OPA3: variants seen among roughly 807,000 people sequenced by gnomAD.
OPA3 encodes optic atrophy 3 protein.
In OPA3, 6 loss-of-function variants were observed where a neutral mutation model predicts 4.0. The observed-to-expected ratio is 1.51, with a 90% confidence interval of 0.83 to 2.99. The LOEUF is 2.99. Ranked by LOEUF, OPA3 falls within the 30% of genes most tolerant of loss-of-function variation. OPA3 has a pLI of 0.00. For missense variants in OPA3, 235 were observed against 256.2 expected (o/e 0.92, Z 0.56); for synonymous variants, 105 against 117.1 (o/e 0.90, Z 0.67).
chr19:45,529,436 G>C (rs755659368), exon 2 of OPA3: 1 of 1,614,168 alleles, frequency 6.2e-7, no homozygotes, highest in Non-Finnish European at 8.5e-7. Flanking sequence ...ATTTTGGTCC[G>C]CATCTCCAGC....
chr19:45,581,340 G>A (rs1050468536), intron 1 of OPA3, among the ~76,000 whole-genome samples: 1 of 152,112 alleles, frequency 6.6e-6, no homozygotes, highest in Non-Finnish European at 1.5e-5. Flanking sequence ...TAATCATGTG[G>A]GCTTTGTGTG....
intron 1 of OPA3, chr19:45,584,396 G>C: frequency 1.0e-6 from 1 of 985,312 alleles, no homozygotes; most frequent in East Asian, 1.1e-4. Flanking sequence ...TTATCGGCTG[G>C]CATTTCCTAC....
downstream of OPA3, among the ~76,000 whole-genome samples, chr19:45,544,489 G>A (rs1175276627): frequency 6.6e-6 from 1 of 151,148 alleles, no homozygotes; most frequent in South Asian, 2.1e-4. Flanking sequence ...ATGAAACCCC[G>A]TCTCTACTAA....
intron 1 of OPA3, among the ~76,000 whole-genome samples, chr19:45,582,084 A>G (rs111547601): frequency 0.05 from 7,532 of 151,974 alleles, 608 homozygotes; most frequent in African/African-American, 0.17. Context: ...GACGTGAGCC[A>G]CCGCGCCCCA....
intron 1 of OPA3, among the ~76,000 whole-genome samples, chr19:45,560,057 C>A (rs957830067): frequency 3.9e-5 from 6 of 152,136 alleles, no homozygotes; most frequent in African/African-American, 1.4e-4. Flanking sequence ...ACCTAATATC[C>A]TCTTCCTGAC....
chr19:45,540,061 G>C (rs1302978820), intron 1 of OPA3, among the ~76,000 whole-genome samples: 1 of 152,082 alleles, frequency 6.6e-6, no homozygotes, highest in Non-Finnish European at 1.5e-5. Context: ...GCTCATGCCT[G>C]TAATCCCAGC....
At chr19:45,575,961 T>C (rs998611081) in intron 1 of OPA3, among the ~76,000 whole-genome samples, 3 of 152,194 alleles carry the variant, frequency 2.0e-5, no homozygotes, top group Admixed American at 6.5e-5. Context: ...GGGCCAGTTG[T>C]GGTGGCTCAC....
chr19:45,580,293 C>CTTTTT (rs539421587), intron 1 of OPA3, among the ~76,000 whole-genome samples: 2 of 121,788 alleles, frequency 1.6e-5, no homozygotes, highest in Non-Finnish European at 3.4e-5. Context: ...TGCACCCGGC[C>CTTTTT]TTTTTTTTTT....
intron 1 of OPA3, among the ~76,000 whole-genome samples, chr19:45,572,781 C>CTATATATATAGATATATATATCATACTA (rs60247518): frequency 0.015 from 1,333 of 89,982 alleles, 65 homozygotes; most frequent in African/African-American, 0.039. Flanking sequence ...ATATATCATA[C>CTATATATATAGATATATATATCATACTA]TATATATAGA....
intron 1 of OPA3, among the ~76,000 whole-genome samples, chr19:45,577,215 G>A (rs544186006): frequency 1.2e-4 from 19 of 152,220 alleles, no homozygotes; most frequent in Non-Finnish European, 2.5e-4. Flanking sequence ...AGCATGTACT[G>A]TTCTTTCCTC....
At chr19:45,536,743 G>C (rs1265322853) in intron 1 of OPA3, among the ~76,000 whole-genome samples, 1 of 152,160 alleles carries the variant, frequency 6.6e-6, no homozygotes, top group Non-Finnish European at 1.5e-5. Flanking sequence ...CACATGCACA[G>C]TCATATGACT....
chr19:45,540,050 G>T (rs1414490856), intron 1 of OPA3, among the ~76,000 whole-genome samples: 1 of 152,074 alleles, frequency 6.6e-6, no homozygotes, highest in Non-Finnish European at 1.5e-5. Flanking sequence ...CAGGCGCAGT[G>T]GCTCATGCCT....
At chr19:45,574,799 C>A (rs1300912233) in intron 1 of OPA3, among the ~76,000 whole-genome samples, 1 of 152,134 alleles carries the variant, frequency 6.6e-6, no homozygotes, top group Non-Finnish European at 1.5e-5. Flanking sequence ...CAGGCCTTGC[C>A]CTTAAATAAC....
chr19:45,564,297 A>T lies in OPA3; in HGVS notation c.143-10386T>A, dbSNP rs534519302. 1.9e-3 allele frequency among the ~76,000 whole-genome samples: 289 copies of T among 151,566 alleles called. 1 individual carries two copies. The highest frequency in any genetic ancestry group is 6.7e-3 in the African/African-American group (277 of 41,234). On this transcript the variant is annotated intron_variant, in intron 1 of 1. Coordinates refer to ENST00000263275, the MANE Select transcript of OPA3 (RefSeq NM_025136.4). ...GCTGCTGAGACCTAGGCACCCTGGA[A>T]GGGGGGCAGGTAGAGGGAAGAAGGG...
chr19:45,534,169 T>A (rs1969090081), intron 1 of OPA3, among the ~76,000 whole-genome samples: 1 of 152,236 alleles, frequency 6.6e-6, no homozygotes, highest in Non-Finnish European at 1.5e-5. Flanking sequence ...GAGAGCCTCC[T>A]GAAAATACAA....
At chr19:45,530,926 A>ATTTTTTTTTTTTTTTT (rs1969052822) in intron 1 of OPA3, among the ~76,000 whole-genome samples, 1 of 49,606 alleles carries the variant, frequency 2.0e-5, no homozygotes, top group Non-Finnish European at 3.9e-5. Context: ...CATGTCACCT[A>ATTTTTTTTTTTTTTTT]CTTTTTTTTT....
intron 1 of OPA3, among the ~76,000 whole-genome samples, chr19:45,563,939 C>T (rs913933523): frequency 6.6e-6 from 1 of 151,616 alleles, no homozygotes; most frequent in African/African-American, 2.4e-5. Context: ...ATCGGCCTGT[C>T]TTGGCCTCCC....
chr19:45,532,853 A>G lies in OPA3; in HGVS notation c.143-3397T>C, dbSNP rs199620248. 7.9e-5 allele frequency among the ~76,000 whole-genome samples: 12 copies of G among 152,164 alleles called. No homozygotes were observed. In the East Asian group the frequency reaches 2.1e-3, roughly 27 times the overall value. On this transcript the variant is annotated intron_variant, in intron 1 of 1. Coordinates refer to the OPA3 transcript ENST00000323060. ...CTCAGCCTCGTAAAGTGCTGATTGC[A>G]GGCATGAGCCACTGTGCCCAGCCCT...
At chr19:45,545,175 A>AC (rs1200235593), downstream of OPA3, among the ~76,000 whole-genome samples, 3 of 148,674 alleles carry the variant, frequency 2.0e-5, no homozygotes, top group South Asian at 2.1e-4. Flanking sequence ...AAAAAAAAAA[A>AC]AAACAAAAAA....
Sources: gnomAD v4.1 joint callset for allele counts (sites outside exome capture counted in the v4.1 genomes callset) on GRCh38, gnomAD v4.1.1 for gene constraint, MANE v1.5 for transcripts, NCBI Gene and HGNC (gene_info 2026-07-23, HGNC 2026-07-21) for gene names.